RBFOX1: variants seen among roughly 807,000 people sequenced by gnomAD.
RBFOX1 encodes RNA binding fox-1 homolog 1, also known as RNA binding protein fox-1 homolog 1.
In RBFOX1, 8 loss-of-function variants were observed where a neutral mutation model predicts 57.7. The ratio of observed to expected loss-of-function variants is 0.14; its 90% CI spans 0.08 to 0.25. The LOEUF (loss-of-function observed/expected upper bound fraction) is 0.25, where lower values mean the gene tolerates loss of function less well. Ranked by LOEUF, RBFOX1 falls within the 10% of genes least tolerant of loss-of-function variation. The pLI, the probability that RBFOX1 is intolerant of heterozygous loss-of-function variation, is 1.00. For synonymous variants in RBFOX1, 326 were observed against 222.4 expected, an observed-to-expected ratio of 1.47 and a Z score of -4.15; for missense variants, 611 against 548.5, an observed-to-expected ratio of 1.11 and a Z score of -1.14.
rs563580951 is a variant in RBFOX1 at position 6,801,575 on chromosome 16, T to G, written c.-16+146925T>G. Among the ~76,000 whole-genome samples the G allele has an allele frequency of 5.3e-5, 8 of 152,008 alleles. No individual in the cohort carries two copies. In the South Asian group the frequency reaches 1.7e-3, roughly 32 times the overall value. On this transcript the variant is annotated intron_variant, in intron 3 of 15. Transcript: ENST00000550418. The stretch of plus-strand genomic sequence containing the variant: ...GGGTGCAGCAAAAGGAAGCCCATAA[T>G]TGGGGTGGAGGTTGGGGAGATGGCC...
At chr16:7,451,784 G>A (rs1567234544) in intron 4 of RBFOX1, among the ~76,000 whole-genome samples, 1 of 149,238 alleles carries the variant, frequency 6.7e-6, no homozygotes, top group Non-Finnish European at 1.5e-5. Flanking sequence ...ATTTGTGTCA[G>A]CTTCAGCTGA....
chr16:6,995,215 C>G (rs2092072019), intron 3 of RBFOX1, among the ~76,000 whole-genome samples: 1 of 149,804 alleles, frequency 6.7e-6, no homozygotes, highest in African/African-American at 2.5e-5. Context: ...GTAATGTGAT[C>G]AATTAATTAG....
chr16:6,859,435 C>G (rs958418473), intron 3 of RBFOX1, among the ~76,000 whole-genome samples: 2 of 151,948 alleles, frequency 1.3e-5, no homozygotes, highest in African/African-American at 4.8e-5. Flanking sequence ...TGTCAGCTCT[C>G]TGTTCATCAG....
intron 3 of RBFOX1, among the ~76,000 whole-genome samples, chr16:6,973,045 C>G (rs1022500540): frequency 6.6e-6 from 1 of 152,108 alleles, no homozygotes; most frequent in Non-Finnish European, 1.5e-5. Flanking sequence ...GAAGTAGAAT[C>G]AGTTGAACCT....
At chr16:6,082,488 T>C (rs1849981168) in intron 1 of RBFOX1, among the ~76,000 whole-genome samples, 1 of 150,548 alleles carries the variant, frequency 6.6e-6, no homozygotes, top group South Asian at 2.1e-4. Context: ...TTTTAGGCAC[T>C]ATGCTTTTAT....
chr16:6,785,000 A>G (rs1277107735), intron 3 of RBFOX1, among the ~76,000 whole-genome samples: 1 of 152,140 alleles, frequency 6.6e-6, no homozygotes, highest in African/African-American at 2.4e-5. Context: ...CATGGTTGGC[A>G]TTGACATTGA....
rs139243361 is a variant in RBFOX1 at position 6,326,021 on chromosome 16, A to AGT, written c.-64+8977_-64+8978dup. 1.1e-4 allele frequency among the ~76,000 whole-genome samples: 16 copies of AGT among 151,696 alleles called. No homozygotes were observed. The East Asian group carries it at 1.2e-3, about 11-fold the overall frequency. On this transcript the variant is annotated intron_variant, in intron 2 of 15. Transcript: ENST00000550418. ...TCCCACTGACTGACTTGTGTGCGTG[A>AGT]GTGTGTGTGTGTGTACATGCATATG...
intron 5 of RBFOX1, among the ~76,000 whole-genome samples, chr16:7,550,215 C>T (rs1378712897): frequency 6.6e-6 from 1 of 152,042 alleles, no homozygotes; most frequent in Non-Finnish European, 1.5e-5. Context: ...CCACTATGCC[C>T]AGCCTACCCT....
At chr16:5,536,512 A>G (rs2044703668) in intron 2 of RBFOX1, among the ~76,000 whole-genome samples, 1 of 152,154 alleles carries the variant, frequency 6.6e-6, no homozygotes, top group East Asian at 1.9e-4. Context: ...CTGAGATTAC[A>G]GGTGTGAGCC....
chr16:6,453,189 T>A lies in RBFOX1; in HGVS notation c.-64+136132T>A, dbSNP rs568915786. 5.1e-4 allele frequency among the ~76,000 whole-genome samples: 77 copies of A among 152,242 alleles called. 2 individuals are homozygous for A. The South Asian group carries it at 0.015, about 29-fold the overall frequency. On this transcript the variant is annotated intron_variant, in intron 2 of 15. Coordinates refer to ENST00000550418, the MANE Select transcript of RBFOX1 (RefSeq NM_018723.4). ...CAAGTTCGTTACATAGGTATACACA[T>A]GCCACAGTGGTTTGCTGCACCCATC...
chr16:6,977,090 TTATA>T (rs201111834), intron 3 of RBFOX1, among the ~76,000 whole-genome samples: 2 of 140,352 alleles, frequency 1.4e-5, no homozygotes, highest in South Asian at 2.3e-4. Flanking sequence ...GATCTATATT[TTATA>T]TATATATCAT....
At chr16:6,272,555 G>T (rs1041283135) in intron 1 of RBFOX1, among the ~76,000 whole-genome samples, 1 of 152,006 alleles carries the variant, frequency 6.6e-6, no homozygotes, top group Non-Finnish European at 1.5e-5. Flanking sequence ...TAAAAATCCC[G>T]GTAAGCTTTT....
At chr16:6,329,773 A>T (rs963403985) in intron 2 of RBFOX1, among the ~76,000 whole-genome samples, 8 of 152,150 alleles carry the variant, frequency 5.3e-5, no homozygotes, top group Admixed American at 1.3e-4. Context: ...CGCTTCTAAA[A>T]ATACAAAAAG....
intron 2 of RBFOX1, among the ~76,000 whole-genome samples, chr16:6,636,537 T>C (rs1373559738): frequency 6.6e-6 from 1 of 151,914 alleles, no homozygotes; most frequent in Non-Finnish European, 1.5e-5. Context: ...ATTAAACCTC[T>C]AATTACTGTA....
At chr16:6,592,582 C>A (rs2097726748) in intron 2 of RBFOX1, among the ~76,000 whole-genome samples, 1 of 152,110 alleles carries the variant, frequency 6.6e-6, no homozygotes, top group African/African-American at 2.4e-5. Flanking sequence ...CTGGCTCCAC[C>A]ATGTAATACC....
rs577346762 is a variant in RBFOX1 at position 6,729,452 on chromosome 16, A to G, written c.-16+74802A>G. ...CTGACGGCTAAAAGGTGAGGAAGATAGTATTGTAGGAGCCTTCCCAGCAAT... is the reference window on the plus strand; with the variant it reads ...CTGACGGCTAAAAGGTGAGGAAGATGGTATTGTAGGAGCCTTCCCAGCAAT... On this transcript the variant is annotated intron_variant, in intron 3 of 15. Transcript: ENST00000550418. 2.3e-4 allele frequency among the ~76,000 whole-genome samples: 35 copies of G among 152,324 alleles called. No homozygotes were observed. In the South Asian group the frequency reaches 7.2e-3, roughly 32 times the overall value.
intron 5 of RBFOX1, among the ~76,000 whole-genome samples, chr16:7,545,348 C>G (rs1201784724): frequency 6.6e-6 from 1 of 151,966 alleles, no homozygotes; most frequent in Non-Finnish European, 1.5e-5. Context: ...TGTTTGCAAT[C>G]CTCTTGGCCC....
intron 4 of RBFOX1, among the ~76,000 whole-genome samples, chr16:7,160,411 TC>T (rs1049691186): frequency 6.6e-6 from 1 of 151,890 alleles, no homozygotes; most frequent in Non-Finnish European, 1.5e-5. Flanking sequence ...TTCTTCCTCC[TC>T]CCTTTTCCTT....
At chr16:6,268,678 G>A (rs2074839711) in intron 1 of RBFOX1, among the ~76,000 whole-genome samples, 1 of 152,150 alleles carries the variant, frequency 6.6e-6, no homozygotes, top group Non-Finnish European at 1.5e-5. Context: ...GAATACAGTG[G>A]AAAATTGAAA....
Sources: gnomAD v4.1 joint callset for allele counts (sites outside exome capture counted in the v4.1 genomes callset) on GRCh38, gnomAD v4.1.1 for gene constraint, MANE v1.5 for transcripts, NCBI Gene and HGNC (gene_info 2026-07-23, HGNC 2026-07-21) for gene names.